Variants in HPSE2 observed in about 807,000 individuals in gnomAD.
HPSE2 encodes inactive heparanase-2.
HPSE2 carries 38 observed loss-of-function variants against 60.5 expected under a neutral mutation model. The ratio of observed to expected loss-of-function variants is 0.63; its 90% CI spans 0.48 to 0.82. The LOEUF (loss-of-function observed/expected upper bound fraction) is 0.82. Among genes scored for constraint, HPSE2 ranks in the 40% least tolerant of loss-of-function variants. The pLI is 0.00. For synonymous variants in HPSE2, 295 were observed against 293.2 expected (o/e 1.01, Z -0.06); for missense variants, 713 against 740.4 (o/e 0.96, Z 0.43).
chr10:99,221,955 A>T (rs934700247), intron 2 of HPSE2, among the ~76,000 whole-genome samples: 2 of 152,266 alleles, frequency 1.3e-5, no homozygotes, highest in East Asian at 1.9e-4. Context: ...AGACAACAAG[A>T]TGGAGAGAGG....
At chr10:98,502,347 T>C (rs776846054) in intron 9 of HPSE2, among the ~76,000 whole-genome samples, 8 of 152,200 alleles carry the variant, frequency 5.3e-5, no homozygotes, top group Middle Eastern at 3.4e-3. Context: ...GGTATAAAAA[T>C]AGGCATATAG....
chr10:99,287,178 G>A, the HPSE2 span, among the ~76,000 whole-genome samples: 3 of 152,046 alleles, frequency 2.0e-5, no homozygotes. Context: ...CAGGTCCTCT[G>A]AAAAGCAAAT....
At chr10:98,512,377 C>T (rs1012839157) in intron 9 of HPSE2, among the ~76,000 whole-genome samples, 2 of 152,076 alleles carry the variant, frequency 1.3e-5, no homozygotes, top group African/African-American at 4.8e-5. Context: ...GTCCGGAGAT[C>T]GAGACCATCC....
In HPSE2 at chr10:98,764,861, C is replaced by T. The variant is rs1440183785; in HGVS notation, c.611-20805G>A. 2.6e-5 allele frequency among the ~76,000 whole-genome samples: 4 copies of T among 151,754 alleles called. No homozygotes were observed. The South Asian group carries it at 8.3e-4, about 32-fold the overall frequency. On this transcript the variant is annotated intron_variant, in intron 3 of 11. Coordinates refer to ENST00000370552, the MANE Select transcript of HPSE2 (RefSeq NM_021828.5). ...GACAGAGAGCCAGAGAGCCAGACTC[C>T]GTCATAAAAAACAAACAAACAAACA...
intron 3 of HPSE2, among the ~76,000 whole-genome samples, chr10:99,030,267 T>C (rs898753418): frequency 6.6e-6 from 1 of 152,210 alleles, no homozygotes; most frequent in African/African-American, 2.4e-5. Flanking sequence ...ACAGCTCATG[T>C]CCTTGGTCTC....
At chr10:98,617,376 A>G (rs1425224244) in intron 8 of HPSE2, among the ~76,000 whole-genome samples, 1 of 152,228 alleles carries the variant, frequency 6.6e-6, no homozygotes, top group Non-Finnish European at 1.5e-5. Flanking sequence ...TTTGACCTCT[A>G]CAGAGCTTAG....
the HPSE2 span, among the ~76,000 whole-genome samples, chr10:99,267,565 C>T: frequency 6.6e-6 from 1 of 151,940 alleles, no homozygotes; most frequent in South Asian, 2.1e-4. Flanking sequence ...AGGTGAATCA[C>T]AAGGTCAGGA....
At chr10:98,675,585 A>G (rs988627524) in intron 6 of HPSE2, among the ~76,000 whole-genome samples, 1 of 139,742 alleles carries the variant, frequency 7.2e-6, no homozygotes, top group Non-Finnish European at 1.6e-5. Flanking sequence ...CACAATAACC[A>G]GCCATGGTGG....
intron 3 of HPSE2, among the ~76,000 whole-genome samples, chr10:99,098,114 G>T (rs897912128): frequency 2.6e-5 from 4 of 152,078 alleles, no homozygotes; most frequent in African/African-American, 9.7e-5. Context: ...TATACAGTTA[G>T]TCCTACATAT....
At position 98,626,709 on chromosome 10, in the gene HPSE2, C is replaced by T. The variant is rs946744056; in HGVS notation, c.1099-6001G>A. Among the ~76,000 whole-genome samples, 47 of 152,032 alleles carry T rather than the reference C, an allele frequency of 3.1e-4. 1 individual carries two copies. Among genetic ancestry groups the T allele is most frequent in the Non-Finnish European group, 1.5e-5 (1 of 68,012 alleles). ...AAATGAAATGAAATTATTCAAGAAC[C>T]TACTGTACTTAGTTGGATGGTGGCA... On this transcript the variant is annotated intron_variant, in intron 7 of 11. Transcript: ENST00000370552.
At chr10:98,556,085 C>T (rs1031112036) in intron 9 of HPSE2, among the ~76,000 whole-genome samples, 1 of 152,086 alleles carries the variant, frequency 6.6e-6, no homozygotes, top group Non-Finnish European at 1.5e-5. Flanking sequence ...TATTAATTGA[C>T]TTTTATTATT....
intron 2 of HPSE2, among the ~76,000 whole-genome samples, chr10:99,212,934 G>A (rs1848997553): frequency 6.6e-6 from 1 of 152,098 alleles, no homozygotes; most frequent in African/African-American, 2.4e-5. Context: ...GCCTTGCAGA[G>A]GGTAGGTGCT....
chr10:99,307,195 A>G, the HPSE2 span, among the ~76,000 whole-genome samples: 1 of 152,146 alleles, frequency 6.6e-6, no homozygotes. Flanking sequence ...ACAGACCTAC[A>G]TTGGAAGTTT....
chr10:99,114,508 T>C (rs560138102), intron 3 of HPSE2, among the ~76,000 whole-genome samples: 1 of 152,288 alleles, frequency 6.6e-6, no homozygotes, highest in African/African-American at 2.4e-5. Context: ...TCTTCAGATC[T>C]CTTAACACAA....
At chr10:98,535,545 G>C (rs1215408971) in intron 9 of HPSE2, among the ~76,000 whole-genome samples, 1 of 152,012 alleles carries the variant, frequency 6.6e-6, no homozygotes. Flanking sequence ...TGTTTTCTTA[G>C]GCAGGCAGTA....
At chr10:99,236,389 G>T (rs1849856372), upstream of HPSE2, among the ~76,000 whole-genome samples, 1 of 152,012 alleles carries the variant, frequency 6.6e-6, no homozygotes, top group African/African-American at 2.4e-5. Context: ...AACCCGGGAC[G>T]CGCTGGGATA....
At chr10:99,245,127 T>G in the HPSE2 span, among the ~76,000 whole-genome samples, 11 of 152,152 alleles carry the variant, frequency 7.2e-5, no homozygotes, top group Non-Finnish European at 1.6e-4. Flanking sequence ...AAAATAGTAT[T>G]TCCTGTGCTG....
chr10:99,155,035 T>C (rs1317914859), intron 2 of HPSE2, among the ~76,000 whole-genome samples: 3 of 149,792 alleles, frequency 2.0e-5, no homozygotes, highest in Admixed American at 6.7e-5. Context: ...AAGGGATCAA[T>C]TCAACAAGAA....
intron 3 of HPSE2, among the ~76,000 whole-genome samples, chr10:98,864,380 A>T (rs1327643222): frequency 3.3e-5 from 5 of 152,134 alleles, no homozygotes; most frequent in Admixed American, 3.3e-4. Flanking sequence ...AGAACGAACC[A>T]TTGTAATACC....
Sources: allele counts gnomAD v4.1 joint callset (sites outside exome capture counted in the v4.1 genomes callset), GRCh38; gene constraint gnomAD v4.1.1; transcripts MANE v1.5; gene names NCBI Gene and HGNC (gene_info 2026-07-23, HGNC 2026-07-21).